Variants in ACAT1 observed in about 807,000 individuals in gnomAD.
ACAT1 encodes acetyl-CoA acetyltransferase 1, also known as acetyl-CoA acetyltransferase, mitochondrial.
In ACAT1, 28 loss-of-function variants were observed where a neutral mutation model predicts 47.3. That is an observed-to-expected ratio of 0.59 (90% CI 0.44 to 0.81). The LOEUF (loss-of-function observed/expected upper bound fraction) is 0.81, where lower values mean the gene tolerates loss of function less well. Ranked by LOEUF, ACAT1 falls within the 30% of genes least tolerant of loss-of-function variation. The pLI is 0.00. For missense variants in ACAT1, 469 were observed against 524.3 expected (o/e 0.89, Z 1.03); for synonymous variants, 181 against 173.6 (o/e 1.04, Z -0.34).
intron 4 of ACAT1, 115 bp from the exon 5 acceptor site, chr11:108,135,027 T>C (rs1003791285): frequency 1.5e-6 from 1 of 682,536 alleles, no homozygotes; most frequent in Non-Finnish European, 2.6e-6. Flanking sequence ...ATGCATGATA[T>C]AATTTGTAGT....
chr11:108,141,770 T>A, intron 8 of ACAT1, 70 bp downstream of exon 8: 1 of 986,024 alleles, frequency 1.0e-6, no homozygotes, highest in Non-Finnish European at 1.5e-6. Context: ...TAGAATTGCC[T>A]AAGGATTTTG....
intron 1 of ACAT1, among the ~76,000 whole-genome samples, chr11:108,124,622 G>A (rs975229186): frequency 2.6e-5 from 4 of 151,954 alleles, no homozygotes; most frequent in South Asian, 2.1e-4. Flanking sequence ...CAGTTCCCCC[G>A]CAGCCAGAGT....
chr11:108,144,430 C>T (rs1379440418), intron 10 of ACAT1, among the ~76,000 whole-genome samples: 1 of 152,088 alleles, frequency 6.6e-6, no homozygotes, highest in Admixed American at 6.6e-5. Context: ...AAGGGAACAG[C>T]TGGCAGCAGG....
Position 108,144,865 on chromosome 11 carries a change from A to G in ACAT1, c.1005+818A>G, listed in dbSNP as rs34445421. ...AACATCACGTTGGAAAGCAAGGGTA[A>G]TAAACAATTCTGGATTCTGAAGGTA... On this transcript the variant is annotated intron_variant, in intron 10 of 11. Transcript: ENST00000265838. Among the ~76,000 whole-genome samples the G allele has an allele frequency of 5.9e-3, 897 of 152,330 alleles. 17 individuals carry two copies. The East Asian group carries it at 0.08, about 14-fold the overall frequency.
At chr11:108,135,836 T>G (rs1029757743) in intron 5 of ACAT1, among the ~76,000 whole-genome samples, 2 of 151,538 alleles carry the variant, frequency 1.3e-5, no homozygotes, top group Non-Finnish European at 2.9e-5. Context: ...AAAAAAAAAA[T>G]TGTTTTTAGT....
At chr11:108,121,354 C>G (rs928160405), upstream of ACAT1, 20 of 578,928 alleles carry the variant, frequency 3.5e-5, no homozygotes, top group African/African-American at 2.8e-4. Context: ...AGCAGCGTGT[C>G]AGGTGCTCGT....
intron 10 of ACAT1, 135 bp downstream of exon 10, chr11:108,144,182 TCTC>T (rs1293993928): frequency 1.0e-6 from 1 of 959,110 alleles, no homozygotes; most frequent in Middle Eastern, 2.7e-4. Context: ...TCCCATGTCT[TCTC>T]CTGAAAAGAG....
chr11:108,121,529 C>G (rs1055706297), upstream of ACAT1: 1 of 1,473,956 alleles, frequency 6.8e-7, no homozygotes, highest in South Asian at 1.2e-5. Context: ...GTGCCCGCGC[C>G]GGGCCGCTAG....
upstream of ACAT1, among the ~76,000 whole-genome samples, chr11:108,117,060 A>G (rs1029807625): frequency 6.6e-6 from 1 of 152,108 alleles, no homozygotes; most frequent in Non-Finnish European, 1.5e-5. Context: ...GATTGGGGTG[A>G]TGGGCAGAGG....
chr11:108,124,367 A>G (rs1402521441), intron 1 of ACAT1, among the ~76,000 whole-genome samples: 2 of 152,066 alleles, frequency 1.3e-5, no homozygotes, highest in African/African-American at 2.4e-5. Flanking sequence ...GGGTTCAAGC[A>G]GTTCTCCTGC....
At chr11:108,138,795 T>A (rs1368404806) in intron 5 of ACAT1, 103 bp from the exon 6 acceptor site, 1 of 1,299,026 alleles carries the variant, frequency 7.7e-7, no homozygotes, top group Non-Finnish European at 1.1e-6. Flanking sequence ...AAATGTTTAA[T>A]AAATGCATGT....
At position 108,143,967 on chromosome 11, in the gene ACAT1, CCCT is replaced by C. The variant is rs2077645903; in HGVS notation, c.941-15_941-13del. 1.1e-5 allele frequency: 12 copies of C among 1,050,612 alleles called. No individual in the cohort carries two copies. Among genetic ancestry groups the C allele is most frequent in the East Asian group, 3.9e-5 (1 of 25,878 alleles). The allele number at this position is 1,050,612 out of a possible 1,614,324, so 65.1% of individuals were successfully genotyped here. On this transcript the variant is annotated splice_polypyrimidine_tract_variant and intron_variant, in intron 9 of 11. Coordinates refer to ENST00000265838, the MANE Select transcript of ACAT1 (RefSeq NM_000019.4). Reference sequence around the variant, plus strand: ...AAAAAGATTTTAACAACCCCCCCCCCCCTTTTTTTAAACAGCATTTGCTGACGC... The same window carrying C: ...AAAAAGATTTTAACAACCCCCCCCCCTTTTTTAAACAGCATTTGCTGACGC...
At chr11:108,141,980 T>C (rs1433481112) in intron 8 of ACAT1, among the ~76,000 whole-genome samples, 2 of 152,246 alleles carry the variant, frequency 1.3e-5, no homozygotes, top group Admixed American at 1.3e-4. Flanking sequence ...TTTATTGATA[T>C]AATTTATATA....
intron 10 of ACAT1, among the ~76,000 whole-genome samples, chr11:108,145,848 C>G (rs1301858677): frequency 6.6e-6 from 1 of 152,114 alleles, no homozygotes; most frequent in Non-Finnish European, 1.5e-5. Flanking sequence ...AGTTTGAGAC[C>G]AGCCTGGCCA....
At chr11:108,121,552 G>T (rs1436591497), upstream of ACAT1, 4 of 1,527,726 alleles carry the variant, frequency 2.6e-6, no homozygotes, top group Non-Finnish European at 3.5e-6. Flanking sequence ...GTGCGGGGTT[G>T]GGGAGGAGGC....
chr11:108,136,326 A>G (rs2077468773), intron 5 of ACAT1: 1 of 392,908 alleles, frequency 2.5e-6, no homozygotes. Flanking sequence ...AAAATGCCTA[A>G]AAGAAATGCT....
At chr11:108,132,725 G>A (rs2077385698) in intron 2 of ACAT1, among the ~76,000 whole-genome samples, 1 of 151,700 alleles carries the variant, frequency 6.6e-6, no homozygotes, top group East Asian at 1.9e-4. Flanking sequence ...ATGGTGGCAG[G>A]CACCTGTAGT....
chr11:108,139,270 T>C (rs2077533837), intron 6 of ACAT1: 1 of 530,260 alleles, frequency 1.9e-6, no homozygotes, highest in Non-Finnish European at 3.4e-6. Context: ...AGCTGGCAAC[T>C]GCTTGGCTAA....
chr11:108,140,332 A>AAG, intron 7 of ACAT1, 117 bp downstream of exon 7: 1 of 1,245,490 alleles, frequency 8.0e-7, no homozygotes, highest in Non-Finnish European at 1.2e-6. Context: ...GGTTAATAAA[A>AAG]AGTGAAGAGT....
Sources: allele counts gnomAD v4.1 joint callset (sites outside exome capture counted in the v4.1 genomes callset), GRCh38; gene constraint gnomAD v4.1.1; transcripts MANE v1.5; gene names NCBI Gene and HGNC (gene_info 2026-07-23, HGNC 2026-07-21).